The following GRID2 variants were observed in gnomAD, a reference collection of about 807,000 sequenced individuals.
GRID2 encodes glutamate ionotropic receptor delta type subunit 2.
Under a neutral mutation model 114.8 loss-of-function variants are expected in GRID2, and 33 were observed. The observed-to-expected ratio is 0.29, with a 90% CI of 0.22 to 0.38. The LOEUF is 0.38. Among genes scored for constraint, GRID2 ranks in the 10% least tolerant of loss-of-function variants. GRID2 has a pLI of 1.00. For missense variants in GRID2, 1,184 were observed against 1,257.7 expected (o/e 0.94, Z 0.89); for synonymous variants, 505 against 449.9 (o/e 1.12, Z -1.55).
chr4:93,041,556 T>G (rs958161544), intron 2 of GRID2, among the ~76,000 whole-genome samples: 2 of 152,148 alleles, frequency 1.3e-5, no homozygotes, highest in African/African-American at 4.8e-5. Context: ...TAGTTAAACT[T>G]ATATGAGGGG....
chr4:92,784,988 C>A (rs997421287), intron 2 of GRID2, among the ~76,000 whole-genome samples: 1 of 151,168 alleles, frequency 6.6e-6, no homozygotes, highest in African/African-American at 2.4e-5. Context: ...ATCATAAATC[C>A]TTTTAGAATG....
intron 13 of GRID2, among the ~76,000 whole-genome samples, chr4:93,594,720 G>T (rs1738859273): frequency 6.6e-6 from 1 of 152,208 alleles, no homozygotes; most frequent in Non-Finnish European, 1.5e-5. Context: ...CGTGGGGTAG[G>T]ACCCTCTGAG....
intron 3 of GRID2, among the ~76,000 whole-genome samples, chr4:93,089,435 G>A (rs1007447771): frequency 6.6e-6 from 1 of 152,226 alleles, no homozygotes; most frequent in East Asian, 1.9e-4. Flanking sequence ...CCTTCTCCTT[G>A]TGGGCAAAAG....
intron 1 of GRID2, among the ~76,000 whole-genome samples, chr4:92,537,438 G>A (rs1725697595): frequency 6.6e-6 from 1 of 152,114 alleles, no homozygotes; most frequent in Non-Finnish European, 1.5e-5. Context: ...TAGCTACAGT[G>A]GTAAAATAGA....
intron 3 of GRID2, among the ~76,000 whole-genome samples, chr4:93,095,041 G>A (rs1247594888): frequency 4.0e-5 from 6 of 151,594 alleles, no homozygotes; most frequent in Non-Finnish European, 8.8e-5. Context: ...AAATAAAACA[G>A]AAAACAAAAT....
intron 13 of GRID2, among the ~76,000 whole-genome samples, chr4:93,536,047 A>G (rs1732034180): frequency 6.6e-6 from 1 of 152,040 alleles, no homozygotes; most frequent in Admixed American, 6.6e-5. Flanking sequence ...ATTGATGATA[A>G]AATGAAGAAG....
chr4:92,546,233 G>C (rs1318626667), intron 1 of GRID2, among the ~76,000 whole-genome samples: 2 of 152,078 alleles, frequency 1.3e-5, no homozygotes, highest in African/African-American at 4.8e-5. Flanking sequence ...CATTATTGTA[G>C]ATGTTGTTTT....
intron 8 of GRID2, 109 bp from the exon 9 acceptor site, chr4:93,395,498 C>T: frequency 3.4e-6 from 2 of 590,314 alleles, no homozygotes; most frequent in South Asian, 4.8e-5. Flanking sequence ...AGTACTCTTT[C>T]CATACCAATT....
intron 2 of GRID2, among the ~76,000 whole-genome samples, chr4:92,983,969 G>A (rs975794489): frequency 2.6e-5 from 4 of 152,140 alleles, no homozygotes; most frequent in Non-Finnish European, 5.9e-5. Context: ...ATTTTGTGCC[G>A]ATAACTCAAC....
chr4:92,556,408 A>T (rs1188992859), intron 1 of GRID2, among the ~76,000 whole-genome samples: 4 of 152,072 alleles, frequency 2.6e-5, no homozygotes, highest in African/African-American at 4.8e-5. Flanking sequence ...GTTAATTCAA[A>T]TTTTTTTATT....
At chr4:92,586,352 A>T (rs1027727487) in intron 1 of GRID2, among the ~76,000 whole-genome samples, 50 of 143,028 alleles carry the variant, frequency 3.5e-4, no homozygotes, top group Non-Finnish European at 6.1e-4. Flanking sequence ...AGCACAAAAA[A>T]TCTACACACA....
chr4:92,921,167 A>T (rs1369807809), intron 2 of GRID2, among the ~76,000 whole-genome samples: 1 of 151,912 alleles, frequency 6.6e-6, no homozygotes, highest in Admixed American at 6.6e-5. Flanking sequence ...TACATTCATC[A>T]TGTAGTTCTC....
chr4:93,083,392 G>A, intron 2 of GRID2, among the ~76,000 whole-genome samples: 1 of 151,912 alleles, frequency 6.6e-6, no homozygotes, highest in East Asian at 1.9e-4. Context: ...ACAATGTTAT[G>A]GTCTAAGAAG....
intron 1 of GRID2, among the ~76,000 whole-genome samples, chr4:92,406,808 G>A (rs1320626118): frequency 6.6e-6 from 1 of 151,620 alleles, no homozygotes; most frequent in African/African-American, 2.4e-5. Context: ...GTGGTATTTG[G>A]TTTTCTGTTC....
chr4:92,476,888 T>C (rs1055402656), intron 1 of GRID2, among the ~76,000 whole-genome samples: 4 of 152,114 alleles, frequency 2.6e-5, no homozygotes, highest in African/African-American at 9.7e-5. Context: ...CTATCTTTAA[T>C]TTATAAGGCT....
chr4:93,326,592 C>CT lies in GRID2; in HGVS notation c.1246-69004dup, dbSNP rs572863010. 2.4e-3 allele frequency among the ~76,000 whole-genome samples: 353 copies of CT among 144,816 alleles called. 2 individuals carry two copies. Among genetic ancestry groups the CT allele is most frequent in the African/African-American group, 6.5e-3 (258 of 39,574 alleles). ...AGAGAGCCAATCCAATTATTCATCACTTTTTTTTTTTCCTTTTTCTTCTAT... is the reference window on the plus strand; with the variant it reads ...AGAGAGCCAATCCAATTATTCATCACTTTTTTTTTTTTCCTTTTTCTTCTAT... On this transcript the variant is annotated intron_variant, in intron 8 of 15. Coordinates refer to ENST00000282020, the MANE Select transcript of GRID2 (RefSeq NM_001510.4).
intron 4 of GRID2, among the ~76,000 whole-genome samples, chr4:93,124,354 C>G (rs1213412271): frequency 2.0e-5 from 3 of 152,114 alleles, no homozygotes; most frequent in African/African-American, 7.2e-5. Flanking sequence ...CTCATGCATT[C>G]TAAGCACTAG....
chr4:92,623,238 C>T (rs1730360587), intron 2 of GRID2, among the ~76,000 whole-genome samples: 2 of 151,320 alleles, frequency 1.3e-5, no homozygotes, highest in Admixed American at 6.6e-5. Context: ...AGAATAAGTA[C>T]TTTGTATTCT....
intron 2 of GRID2, among the ~76,000 whole-genome samples, chr4:92,850,651 G>A (rs1014464696): frequency 6.6e-6 from 1 of 151,840 alleles, no homozygotes; most frequent in Non-Finnish European, 1.5e-5. Flanking sequence ...GAAATTTCAA[G>A]AAAGGTGAAT....
Sources: allele counts gnomAD v4.1 joint callset (sites outside exome capture counted in the v4.1 genomes callset), GRCh38; gene constraint gnomAD v4.1.1; transcripts MANE v1.5; gene names NCBI Gene and HGNC (gene_info 2026-07-23, HGNC 2026-07-21).